The following CDH13 variants were observed in gnomAD, a reference collection of about 807,000 sequenced individuals.
CDH13 encodes the protein cadherin 13, also known as cadherin-13.
In CDH13, 24 loss-of-function variants were observed where a neutral mutation model predicts 63.8. The observed-to-expected ratio is 0.38, with a 90% confidence interval of 0.27 to 0.53. CDH13 has a LOEUF of 0.53. Among genes scored for constraint, CDH13 ranks in the 20% least tolerant of loss-of-function variants. The probability of loss-of-function intolerance (pLI) is 0.85; values close to 1 mark genes in which losing one functional copy is unlikely to be tolerated. For missense variants in CDH13, 1,049 were observed against 903.1 expected (o/e 1.16, Z -2.07); for synonymous variants, 503 against 355.3 (o/e 1.42, Z -4.67).
chr16:83,687,873 C>G (rs1397556837), intron 10 of CDH13, among the ~76,000 whole-genome samples: 3 of 152,186 alleles, frequency 2.0e-5, no homozygotes, highest in East Asian at 1.9e-4. Context: ...CACAGAATAT[C>G]TGAATCAGAT....
intron 3 of CDH13, among the ~76,000 whole-genome samples, chr16:83,054,768 A>G (rs1334054836): frequency 1.3e-5 from 2 of 152,158 alleles, no homozygotes; most frequent in Non-Finnish European, 2.9e-5. Context: ...ACATTTCTAC[A>G]TAGCTGATAT....
At chr16:83,456,682 G>C (rs1313333267) in intron 6 of CDH13, among the ~76,000 whole-genome samples, 1 of 152,148 alleles carries the variant, frequency 6.6e-6, no homozygotes, top group African/African-American at 2.4e-5. Context: ...ACCCTAGGGG[G>C]CTGGGCGCAG....
At chr16:83,190,039 G>T (rs1383893537) in intron 4 of CDH13, among the ~76,000 whole-genome samples, 1 of 152,198 alleles carries the variant, frequency 6.6e-6, no homozygotes, top group Non-Finnish European at 1.5e-5. Context: ...GGAACTGTGA[G>T]TCAATTAAAC....
chr16:83,414,852 G>T (rs1466264404), intron 6 of CDH13, among the ~76,000 whole-genome samples: 1 of 152,108 alleles, frequency 6.6e-6, no homozygotes, highest in Non-Finnish European at 1.5e-5. Context: ...CTTGTGTATT[G>T]TGAATAGTGC....
Position 82,858,362 on chromosome 16 carries a change from G to A in CDH13, c.46G>A (p.Val16Met), listed in dbSNP as rs767673955. The part of the protein sequence containing the change: ...PLVLCVLLSQ[V>M]LLLTSAEDLD... The stretch of plus-strand genomic sequence containing the variant: ...ATATTGATGGCTTTGGTTTTCTCAG[G>A]TGCTGCTGCTAACATCTGCAGAAGA... The change falls in exon 2 of 14, where the codon GTG (valine) becomes ATG (methionine). Residue 16 changes from valine (V) to methionine (M), a missense_variant and splice_region_variant. Transcript: ENST00000567109. 8 of 1,606,806 alleles carry A rather than the reference G, an allele frequency of 5.0e-6. No homozygotes were observed. The highest frequency in any genetic ancestry group is 4.5e-5 in the East Asian group (2 of 44,830).
intron 1 of CDH13, among the ~76,000 whole-genome samples, chr16:82,813,097 G>A (rs1052531987): frequency 6.6e-6 from 1 of 152,132 alleles, no homozygotes; most frequent in African/African-American, 2.4e-5. Flanking sequence ...GCCTTTTCTG[G>A]TTACAGAAGA....
intron 4 of CDH13, among the ~76,000 whole-genome samples, chr16:83,138,066 C>T (rs552605287): frequency 1.3e-5 from 2 of 151,972 alleles, no homozygotes; most frequent in East Asian, 3.9e-4. Context: ...CAGAAGAACG[C>T]TTGAATGTGG....
intron 5 of CDH13, among the ~76,000 whole-genome samples, chr16:83,251,610 G>A (rs72802281): frequency 0.38 from 58,304 of 152,104 alleles, 11,276 homozygotes; most frequent in Admixed American, 0.44. Context: ...GGTGGGGCCA[G>A]TTCTAGAGAA....
chr16:83,441,620 G>A (rs1272126662), intron 6 of CDH13, among the ~76,000 whole-genome samples: 1 of 152,174 alleles, frequency 6.6e-6, no homozygotes, highest in Non-Finnish European at 1.5e-5. Flanking sequence ...CAAGCTGTGA[G>A]AAGCCCAGCT....
intron 5 of CDH13, among the ~76,000 whole-genome samples, chr16:83,321,336 G>C (rs1452133935): frequency 1.3e-5 from 2 of 152,138 alleles, no homozygotes; most frequent in Non-Finnish European, 2.9e-5. Flanking sequence ...GAATTAATTA[G>C]TATCACAGCA....
At chr16:83,163,480 C>T (rs1434551976) in intron 4 of CDH13, among the ~76,000 whole-genome samples, 2 of 152,112 alleles carry the variant, frequency 1.3e-5, no homozygotes, top group South Asian at 2.1e-4. Context: ...AGACGCTCAT[C>T]ACCTTGTTTT....
At chr16:82,938,997 A>G (rs923900229) in intron 2 of CDH13, among the ~76,000 whole-genome samples, 2 of 152,206 alleles carry the variant, frequency 1.3e-5, no homozygotes, top group Non-Finnish European at 2.9e-5. Context: ...GGTTCTGGGA[A>G]AAGCCTTCAG....
chr16:82,688,506 C>T (rs117073133), intron 1 of CDH13, among the ~76,000 whole-genome samples: 1 of 152,182 alleles, frequency 6.6e-6, no homozygotes, highest in Non-Finnish European at 1.5e-5. Context: ...TTCATGTTCT[C>T]TGGTTGCATT....
chr16:82,881,238 G>A (rs2040691125), intron 2 of CDH13, among the ~76,000 whole-genome samples: 2 of 152,156 alleles, frequency 1.3e-5, no homozygotes, highest in Non-Finnish European at 2.9e-5. Flanking sequence ...TTGCATAGGG[G>A]TTCAAGCTCC....
intron 8 of CDH13, among the ~76,000 whole-genome samples, chr16:83,628,168 C>T (rs1193560520): frequency 6.6e-6 from 1 of 152,172 alleles, no homozygotes; most frequent in East Asian, 1.9e-4. Context: ...TATGCCTAAC[C>T]GCCTGGGAAC....
chr16:82,663,092 C>T (rs940440114), intron 1 of CDH13, among the ~76,000 whole-genome samples: 1 of 152,242 alleles, frequency 6.6e-6, no homozygotes, highest in Non-Finnish European at 1.5e-5. Flanking sequence ...AAGAAAATAG[C>T]CCTTATCGCC....
At chr16:83,035,275 G>T (rs1916746585) in intron 3 of CDH13, among the ~76,000 whole-genome samples, 1 of 152,108 alleles carries the variant, frequency 6.6e-6, no homozygotes, top group African/African-American at 2.4e-5. Context: ...AGCTCCTGTT[G>T]GGGAGGGAAT....
chr16:83,331,064 G>C (rs938307242), intron 5 of CDH13, among the ~76,000 whole-genome samples: 1 of 152,294 alleles, frequency 6.6e-6, no homozygotes, highest in African/African-American at 2.4e-5. Flanking sequence ...CCATCTCAAA[G>C]ATGAGGAAAT....
intron 4 of CDH13, among the ~76,000 whole-genome samples, chr16:83,190,068 A>G (rs1008599007): frequency 6.6e-6 from 1 of 152,178 alleles, no homozygotes; most frequent in Non-Finnish European, 1.5e-5. Context: ...TTTATAAAGT[A>G]CTAAGTCTTG....
Sources: allele counts gnomAD v4.1 joint callset (sites outside exome capture counted in the v4.1 genomes callset), GRCh38; gene constraint gnomAD v4.1.1; transcripts MANE v1.5; gene names NCBI Gene and HGNC (gene_info 2026-07-23, HGNC 2026-07-21).